The following CFAP20DC variants were observed in gnomAD, a reference collection of about 807,000 sequenced individuals.
CFAP20DC encodes protein CFAP20DC.
In CFAP20DC, 84 loss-of-function variants were observed where a neutral mutation model predicts 101.7. The observed-to-expected ratio is 0.83, with a 90% CI of 0.69 to 0.99. The LOEUF is 0.99. CFAP20DC is among the 50% of genes least tolerant of loss of function. The pLI, the probability that CFAP20DC is intolerant of heterozygous loss-of-function variation, is 0.00. For missense variants in CFAP20DC, 1,007 were observed against 970.3 expected, an observed-to-expected ratio of 1.04 and a Z score of -0.50; for synonymous variants, 359 against 351.2, an observed-to-expected ratio of 1.02 and a Z score of -0.25.
Position 58,894,862 on chromosome 3 carries a change from C to T in CFAP20DC, c.551-10153G>A, listed in dbSNP as rs2082542212. 6.6e-6 allele frequency among the ~76,000 whole-genome samples: 1 copy of T among 152,236 alleles called. No homozygotes were observed. The highest frequency in any genetic ancestry group is 2.4e-5 in the African/African-American group (1 of 41,472). On this transcript the variant is annotated intron_variant, in intron 6 of 16. Transcript: ENST00000482387. This position sits in a 1 kb window ranked among gnomAD's most constrained non-coding sequence, Gnocchi z 4.1. ...CCTCTGAAATCAAGGTGGAGGTTCCCAAACCTCAATTCTTGACTTCTGTGC... is the reference window on the plus strand; with the variant it reads ...CCTCTGAAATCAAGGTGGAGGTTCCTAAACCTCAATTCTTGACTTCTGTGC...
chr3:58,922,739 A>G (rs886402090), intron 5 of CFAP20DC, among the ~76,000 whole-genome samples: 2 of 152,134 alleles, frequency 1.3e-5, no homozygotes, highest in African/African-American at 4.8e-5. Flanking sequence ...TTGTTTATAA[A>G]TTATCCAGCT....
chr3:58,822,949 C>A (rs192842061), intron 14 of CFAP20DC, among the ~76,000 whole-genome samples: 1 of 152,282 alleles, frequency 6.6e-6, no homozygotes, highest in East Asian at 1.9e-4. Context: ...ACATCCTTAT[C>A]TCTGAAGACA....
intron 3 of CFAP20DC, among the ~76,000 whole-genome samples, chr3:59,045,937 G>A (rs988739525): frequency 1.3e-5 from 2 of 152,044 alleles, no homozygotes; most frequent in Non-Finnish European, 2.9e-5. Flanking sequence ...CTGGCACATA[G>A]TAAGTGCTCA....
chr3:58,745,167 C>G (rs1398744087), intron 16 of CFAP20DC, among the ~76,000 whole-genome samples: 1 of 152,098 alleles, frequency 6.6e-6, no homozygotes, highest in Non-Finnish European at 1.5e-5. Flanking sequence ...AATGGTCATT[C>G]CATATTGAAA....
chr3:59,031,187 G>T (rs940457204), intron 4 of CFAP20DC, among the ~76,000 whole-genome samples: 1 of 152,138 alleles, frequency 6.6e-6, no homozygotes, highest in African/African-American at 2.4e-5. Flanking sequence ...AAGCTCTAGT[G>T]TTTGGGGGCA....
Position 58,971,419 on chromosome 3 carries a change from C to T in CFAP20DC, c.279-33657G>A, listed in dbSNP as rs559920886. On this transcript the variant is annotated intron_variant, in intron 4 of 16. Transcript: ENST00000482387. This position sits in a 1 kb window ranked among gnomAD's most constrained non-coding sequence, Gnocchi z 4.1. ...GTCAAATGTTTTAAAATATCTCCGA[C>T]ATTCACTCTTTAGATCTTTCTATCC... Among the ~76,000 whole-genome samples the T allele has an allele frequency of 6.6e-6, 1 of 152,158 alleles. No individual in the cohort carries two copies. Among genetic ancestry groups the T allele is most frequent in the African/African-American group, 2.4e-5 (1 of 41,456 alleles).
At chr3:59,037,911 T>C (rs905419855) in intron 4 of CFAP20DC, among the ~76,000 whole-genome samples, 5 of 152,052 alleles carry the variant, frequency 3.3e-5, no homozygotes, top group Non-Finnish European at 5.9e-5. Flanking sequence ...ATAAAGAAAA[T>C]GTAGCACATA....
intron 12 of CFAP20DC, among the ~76,000 whole-genome samples, chr3:58,854,428 T>G (rs2078563699): frequency 6.6e-6 from 1 of 151,474 alleles, no homozygotes; most frequent in Non-Finnish European, 1.5e-5. Context: ...ATTTACAGAT[T>G]CAATGCCATC....
At chr3:58,933,256 A>G (rs2086983660) in intron 5 of CFAP20DC, among the ~76,000 whole-genome samples, 2 of 151,944 alleles carry the variant, frequency 1.3e-5, no homozygotes, top group African/African-American at 2.4e-5. Flanking sequence ...ATACAGGAGC[A>G]CCCAGATTCA....
intron 6 of CFAP20DC, among the ~76,000 whole-genome samples, chr3:58,890,330 C>A (rs573817041): frequency 7.0e-6 from 1 of 142,522 alleles, no homozygotes; most frequent in Non-Finnish European, 1.6e-5. Flanking sequence ...ACCTCCCTCC[C>A]GGACGGGGCG....
In CFAP20DC at chr3:58,936,616, C is replaced by T. The variant is rs180926954; in HGVS notation, c.393+1032G>A. Among the ~76,000 whole-genome samples the T allele has an allele frequency of 4.5e-3, 684 of 152,244 alleles. 5 individuals are homozygous for T. The highest frequency in any genetic ancestry group is 0.016 in the African/African-American group (668 of 41,518). Reference sequence around the variant, plus strand: ...GCCATAAAAAATGAAGAGTTCATGTCGTTTGTAGGGACATGGATGAAGCTG... The same window carrying T: ...GCCATAAAAAATGAAGAGTTCATGTTGTTTGTAGGGACATGGATGAAGCTG... On this transcript the variant is annotated intron_variant, in intron 5 of 16. Coordinates refer to ENST00000482387, the MANE Select transcript of CFAP20DC (RefSeq NM_001394063.1).
At position 58,819,145 on chromosome 3, in the gene CFAP20DC, T is replaced by G. The variant is rs1289018946; in HGVS notation, c.2175+12541A>C. 3.5e-5 allele frequency among the ~76,000 whole-genome samples: 5 copies of G among 143,894 alleles called. 1 individual carries two copies. The South Asian group carries it at 9.5e-4, about 27-fold the overall frequency. 94.4% of individuals were successfully genotyped at this position (143,894 alleles called of 152,430 possible). On this transcript the variant is annotated intron_variant, in intron 14 of 16. Coordinates refer to ENST00000482387, the MANE Select transcript of CFAP20DC (RefSeq NM_001394063.1). ...TCTCTGGGACGCATTCAAAGCAATG[T>G]GTAGAGGGAAATTTATAGCACTAAA... is the stretch of plus-strand genomic sequence containing the variant.
chr3:58,725,514 A>G (rs1348146834), intron 3 of CFAP20DC, among the ~76,000 whole-genome samples: 1 of 152,226 alleles, frequency 6.6e-6, no homozygotes, highest in African/African-American at 2.4e-5. Flanking sequence ...GGGTGGTTCA[A>G]TCACCTGACA....
rs2091487162 is a variant in CFAP20DC at position 58,965,916 on chromosome 3, T to C, written c.279-28154A>G. 3.3e-5 allele frequency among the ~76,000 whole-genome samples: 5 copies of C among 152,236 alleles called. No individual in the cohort carries two copies. In the South Asian group the frequency reaches 1.0e-3, roughly 32 times the overall value. On this transcript the variant is annotated intron_variant, in intron 4 of 16. Coordinates refer to ENST00000482387, the MANE Select transcript of CFAP20DC (RefSeq NM_001394063.1). ...GAATGTTATTGTATGCCTGTGAAAA[T>C]GGTAGAGAAAAGACCTCTGAACATT... is the stretch of plus-strand genomic sequence containing the variant.
chr3:58,932,093 T>C (rs879896804), intron 5 of CFAP20DC, among the ~76,000 whole-genome samples: 18 of 152,070 alleles, frequency 1.2e-4, no homozygotes, highest in Non-Finnish European at 1.9e-4. Context: ...CTGATGGAGG[T>C]GAAAGCCAAG....
At chr3:58,817,451 T>G (rs1164563780) in intron 14 of CFAP20DC, among the ~76,000 whole-genome samples, 2 of 147,504 alleles carry the variant, frequency 1.4e-5, no homozygotes, top group African/African-American at 5.0e-5. Context: ...TTAAAGGAGC[T>G]GATGGAGCTG....
chr3:58,851,792 AG>A (rs945570267), intron 12 of CFAP20DC, among the ~76,000 whole-genome samples: 131 of 152,262 alleles, frequency 8.6e-4, no homozygotes, highest in African/African-American at 3.1e-3. Context: ...TAAAACAAAA[AG>A]GAGTCAGAAG....
intron 16 of CFAP20DC, among the ~76,000 whole-genome samples, chr3:58,752,517 T>C (rs1019048083): frequency 6.6e-6 from 1 of 152,124 alleles, no homozygotes; most frequent in South Asian, 2.1e-4. Context: ...AATATATACC[T>C]TGGGTGCCTT....
chr3:58,763,785 G>T (rs1439825579), intron 15 of CFAP20DC, among the ~76,000 whole-genome samples: 7 of 152,204 alleles, frequency 4.6e-5, no homozygotes, highest in Admixed American at 3.3e-4. Flanking sequence ...AGGTCTGTTG[G>T]AGTTTGCTGG....
Sources: gnomAD v4.1 joint callset for allele counts (sites outside exome capture counted in the v4.1 genomes callset) on GRCh38, gnomAD v4.1.1 for gene constraint, Gnocchi (gnomAD v3.1) non-coding constraint, MANE v1.5 for transcripts, NCBI Gene and HGNC (gene_info 2026-07-23, HGNC 2026-07-21) for gene names.